LRRC4C: variants seen among roughly 807,000 people sequenced by gnomAD.
LRRC4C encodes the protein leucine rich repeat containing 4C.
A neutral mutation model predicts 33.6 loss-of-function variants in LRRC4C; 5 were observed. The observed-to-expected ratio is 0.15, with a 90% confidence interval of 0.08 to 0.31. LRRC4C has a LOEUF of 0.31. Among genes scored for constraint, LRRC4C ranks in the 10% least tolerant of loss-of-function variants. LRRC4C has a pLI of 1.00. For synonymous variants in LRRC4C, 329 were observed against 302.0 expected (o/e 1.09, Z -0.93); for missense variants, 560 against 796.7 (o/e 0.70, Z 3.58).
intron 4 of LRRC4C, among the ~76,000 whole-genome samples, chr11:40,284,930 T>G (rs1015130264): frequency 6.6e-6 from 1 of 152,024 alleles, no homozygotes; most frequent in Admixed American, 6.6e-5. Context: ...GCGATCTTGC[T>G]GGCAATGGAC....
chr11:40,317,069 T>C (rs1165845703), intron 4 of LRRC4C, among the ~76,000 whole-genome samples: 1 of 151,988 alleles, frequency 6.6e-6, no homozygotes, highest in Non-Finnish European at 1.5e-5. Flanking sequence ...AATCTAACCA[T>C]TTAATAGTTT....
In LRRC4C at chr11:40,645,359, A is replaced by G. The variant is rs369553945; in HGVS notation, c.-270+2783T>C. On this transcript the variant is annotated intron_variant, in intron 3 of 6. Transcript: ENST00000528697. Reference sequence around the variant, plus strand: ...GGCTGTGTGCTTTTTATTAAATTACAATCTCTCAGTTCAAGTCCACCCTCC... The same window carrying G: ...GGCTGTGTGCTTTTTATTAAATTACGATCTCTCAGTTCAAGTCCACCCTCC... 2.0e-5 allele frequency among the ~76,000 whole-genome samples: 3 copies of G among 152,160 alleles called. No homozygotes were observed. The East Asian group carries it at 5.8e-4, about 29-fold the overall frequency.
At chr11:41,218,440 C>T (rs1371635956) in intron 1 of LRRC4C, among the ~76,000 whole-genome samples, 2 of 152,218 alleles carry the variant, frequency 1.3e-5, no homozygotes, top group African/African-American at 4.8e-5. Flanking sequence ...TCTCAGCACA[C>T]CTGTGATGCA....
At chr11:40,365,553 C>T (rs951722251) in intron 3 of LRRC4C, among the ~76,000 whole-genome samples, 1 of 151,914 alleles carries the variant, frequency 6.6e-6, no homozygotes, top group Non-Finnish European at 1.5e-5. Flanking sequence ...AAACTGAAGG[C>T]AACTTTGGGG....
chr11:41,452,566 T>G (rs1226676437), intron 1 of LRRC4C, among the ~76,000 whole-genome samples: 1 of 152,124 alleles, frequency 6.6e-6, no homozygotes, highest in African/African-American at 2.4e-5. Flanking sequence ...TTCTCTTGTT[T>G]ACAGCCAAGC....
At chr11:41,089,271 A>G (rs1355480628) in intron 1 of LRRC4C, among the ~76,000 whole-genome samples, 1 of 151,968 alleles carries the variant, frequency 6.6e-6, no homozygotes, top group Non-Finnish European at 1.5e-5. Flanking sequence ...ATTTGAAAAC[A>G]AGTAATTCTT....
At chr11:40,583,591 C>T (rs1312417707) in intron 3 of LRRC4C, among the ~76,000 whole-genome samples, 1 of 152,098 alleles carries the variant, frequency 6.6e-6, no homozygotes, top group Non-Finnish European at 1.5e-5. Flanking sequence ...AGACTTACCC[C>T]AACTCAATAT....
At chr11:41,381,947 C>CTA (rs950952112) in intron 1 of LRRC4C, among the ~76,000 whole-genome samples, 4 of 150,754 alleles carry the variant, frequency 2.7e-5, no homozygotes, top group East Asian at 3.9e-4. Flanking sequence ...TATATATAAT[C>CTA]TATATATATG....
At chr11:40,300,854 T>G (rs138020377) in intron 4 of LRRC4C, among the ~76,000 whole-genome samples, 7 of 152,304 alleles carry the variant, frequency 4.6e-5, no homozygotes, top group African/African-American at 1.4e-4. Context: ...CAGGCTAGAA[T>G]GCAGTGGTAC....
chr11:41,402,308 C>T (rs1479772948), intron 1 of LRRC4C, among the ~76,000 whole-genome samples: 1 of 151,932 alleles, frequency 6.6e-6, no homozygotes, highest in African/African-American at 2.4e-5. Context: ...AGTAACCAAT[C>T]CTTCACCAAC....
chr11:40,535,074 A>G (rs569933142), intron 3 of LRRC4C, among the ~76,000 whole-genome samples: 1 of 152,300 alleles, frequency 6.6e-6, no homozygotes, highest in Non-Finnish European at 1.5e-5. Context: ...CATATCCTAG[A>G]AAGTTCTGGA....
rs76384907 is a variant in LRRC4C at position 41,110,842 on chromosome 11, G to A, written c.-495-177119C>T. On this transcript the variant is annotated intron_variant, in intron 1 of 6. Transcript: ENST00000528697. ...CAAATTCAAATTCAGCATTTTTAAA[G>A]TATTTATTTGTTCTATTCCAGTGGT... 5.3e-3 allele frequency among the ~76,000 whole-genome samples: 812 copies of A among 152,070 alleles called. 15 individuals carry two copies. The highest frequency in any genetic ancestry group is 0.023 in the East Asian group (120 of 5,160).
At chr11:40,950,365 C>A (rs16935171) in intron 1 of LRRC4C, among the ~76,000 whole-genome samples, 4 of 152,010 alleles carry the variant, frequency 2.6e-5, no homozygotes, top group Non-Finnish European at 4.4e-5. Context: ...TTAGAAAACC[C>A]TTACTTTTCC....
intron 5 of LRRC4C, among the ~76,000 whole-genome samples, chr11:40,166,530 G>A (rs1419322866): frequency 6.6e-6 from 1 of 152,086 alleles, no homozygotes; most frequent in Admixed American, 6.5e-5. Flanking sequence ...TGTTCAATTT[G>A]TGAAATGTCA....
At chr11:41,235,470 T>C (rs1334012495) in intron 1 of LRRC4C, among the ~76,000 whole-genome samples, 4 of 152,116 alleles carry the variant, frequency 2.6e-5, no homozygotes, top group Non-Finnish European at 5.9e-5. Flanking sequence ...CTGAAATTGT[T>C]GTAGATGATG....
At chr11:40,286,870 A>T (rs754042224) in intron 4 of LRRC4C, among the ~76,000 whole-genome samples, 12 of 152,190 alleles carry the variant, frequency 7.9e-5, no homozygotes, top group Non-Finnish European at 4.4e-5. Flanking sequence ...TAGTTCCCCT[A>T]CAAACTGAGC....
At chr11:41,275,471 C>T (rs1316552775) in intron 1 of LRRC4C, among the ~76,000 whole-genome samples, 1 of 152,118 alleles carries the variant, frequency 6.6e-6, no homozygotes, top group Non-Finnish European at 1.5e-5. Flanking sequence ...AACACAGAAG[C>T]AGAAGAGTGG....
Position 40,984,129 on chromosome 11 carries a change from A to C in LRRC4C, c.-495-50406T>G, listed in dbSNP as rs529200743. Among the ~76,000 whole-genome samples, 6 of 151,666 alleles carry C rather than the reference A, an allele frequency of 4.0e-5. No individual in the cohort carries two copies. In the South Asian group the frequency reaches 1.3e-3, roughly 32 times the overall value. On this transcript the variant is annotated intron_variant, in intron 1 of 6. Coordinates refer to ENST00000528697, the MANE Select transcript of LRRC4C (RefSeq NM_001258419.2). ...ATAACAGTACTATTGACAAAATAAT[A>C]TGGAAGCATAAGAAAAAAGTAAAGA...
chr11:41,424,972 A>C (rs2138360044), intron 1 of LRRC4C, among the ~76,000 whole-genome samples: 1 of 151,928 alleles, frequency 6.6e-6, no homozygotes, highest in East Asian at 1.9e-4. Context: ...AATTTTATAC[A>C]GAAAGAAATA....
Sources: allele counts gnomAD v4.1 joint callset (sites outside exome capture counted in the v4.1 genomes callset), GRCh38; gene constraint gnomAD v4.1.1; transcripts MANE v1.5; gene names NCBI Gene and HGNC (gene_info 2026-07-23, HGNC 2026-07-21).